LYPLAL1: variants seen among roughly 807,000 people sequenced by gnomAD.
LYPLAL1 encodes the protein lysophospholipase like 1.
A neutral mutation model predicts 19.7 loss-of-function variants in LYPLAL1; 23 were observed. The observed-to-expected ratio is 1.17, with a 90% CI of 0.84 to 1.65. The LOEUF (loss-of-function observed/expected upper bound fraction) is 1.65, where lower values mean the gene tolerates loss of function less well. LYPLAL1 is among the 40% of genes most tolerant of loss of function. The pLI is 0.00. For synonymous variants in LYPLAL1, 119 were observed against 96.3 expected (o/e 1.24, Z -1.38); for missense variants, 355 against 279.4 (o/e 1.27, Z -1.93).
At chr1:219,403,930 T>G in the LYPLAL1 span, among the ~76,000 whole-genome samples, 13 of 152,252 alleles carry the variant, frequency 8.5e-5, no homozygotes, top group African/African-American at 2.6e-4. Context: ...GCTTCAAGAA[T>G]AGAAATTCAT....
At chr1:219,385,097 A>G in the LYPLAL1 span, among the ~76,000 whole-genome samples, 23 of 152,168 alleles carry the variant, frequency 1.5e-4, no homozygotes, top group Non-Finnish European at 3.1e-4. Context: ...GGCTGTAAAT[A>G]TGCCCTCCAG....
At chr1:219,381,859 G>A in the LYPLAL1 span, among the ~76,000 whole-genome samples, 151,466 of 152,334 alleles carry the variant, frequency 0.99, 75,314 homozygotes, top group Middle Eastern at 1. Context: ...AGTTCATCAG[G>A]GAAAAGACAA....
At chr1:219,419,714 C>G in the LYPLAL1 span, among the ~76,000 whole-genome samples, 1 of 152,110 alleles carries the variant, frequency 6.6e-6, no homozygotes. Flanking sequence ...GGTGTTCTCT[C>G]CTGTTATGTC....
At chr1:219,238,446 C>T in the LYPLAL1 span, among the ~76,000 whole-genome samples, 3 of 151,384 alleles carry the variant, frequency 2.0e-5, no homozygotes, top group Non-Finnish European at 4.4e-5. Flanking sequence ...CCACTGCGCC[C>T]GGCCTAAACT....
At chr1:219,363,727 G>A in the LYPLAL1 span, among the ~76,000 whole-genome samples, 2 of 152,128 alleles carry the variant, frequency 1.3e-5, no homozygotes, top group Admixed American at 6.6e-5. Flanking sequence ...CATAATTCTA[G>A]CCACACTGAC....
At chr1:219,440,962 A>G in the LYPLAL1 span, among the ~76,000 whole-genome samples, 1 of 152,182 alleles carries the variant, frequency 6.6e-6, no homozygotes, top group South Asian at 2.1e-4. Flanking sequence ...TGACTTGCCA[A>G]ATGAATCCAA....
the LYPLAL1 span, among the ~76,000 whole-genome samples, chr1:219,405,830 T>C: frequency 1.7e-4 from 26 of 152,306 alleles, no homozygotes; most frequent in African/African-American, 6.0e-4. Flanking sequence ...CCTGCCCTGA[T>C]TGCTTCCTCA....
chr1:219,212,974 G>C (rs1659153724), downstream of LYPLAL1: 1 of 152,010 alleles, frequency 6.6e-6, no homozygotes, highest in Non-Finnish European at 1.5e-5. Flanking sequence ...CCAACTCTTT[G>C]AGAAAATAGT....
the LYPLAL1 span, among the ~76,000 whole-genome samples, chr1:219,241,647 C>T: frequency 4.6e-5 from 7 of 152,138 alleles, no homozygotes; most frequent in African/African-American, 1.7e-4. Flanking sequence ...ATGGAAGAGA[C>T]CACTACTCAC....
At chr1:219,439,163 G>C in the LYPLAL1 span, among the ~76,000 whole-genome samples, 1 of 152,042 alleles carries the variant, frequency 6.6e-6, no homozygotes, top group Non-Finnish European at 1.5e-5. Flanking sequence ...TCATACTCCT[G>C]TAAGACTCAG....
chr1:219,185,367 A>G (rs930871501), intron 2 of LYPLAL1, among the ~76,000 whole-genome samples: 3 of 149,100 alleles, frequency 2.0e-5, no homozygotes, highest in African/African-American at 7.4e-5. Context: ...TTTCTCTCTT[A>G]TTTGCTTTCT....
the LYPLAL1 span, among the ~76,000 whole-genome samples, chr1:219,443,675 C>CA: frequency 0.4 from 58,513 of 145,890 alleles, 11,583 homozygotes; most frequent in Non-Finnish European, 0.44. Flanking sequence ...ATTTTGGTCA[C>CA]AAAAAAAAAA....
At chr1:219,317,699 T>C in the LYPLAL1 span, among the ~76,000 whole-genome samples, 2 of 152,252 alleles carry the variant, frequency 1.3e-5, no homozygotes, top group Admixed American at 1.3e-4. Flanking sequence ...AAAAAACAGA[T>C]GAGGAATTTC....
At chr1:219,276,544 C>G in the LYPLAL1 span, among the ~76,000 whole-genome samples, 1 of 152,184 alleles carries the variant, frequency 6.6e-6, no homozygotes, top group African/African-American at 2.4e-5. Context: ...AATGGAAACT[C>G]TGAGAAGTCA....
chr1:219,219,792 T>C, the LYPLAL1 span, among the ~76,000 whole-genome samples: 151,058 of 152,272 alleles, frequency 0.99, 74,943 homozygotes, highest in Middle Eastern at 1. Flanking sequence ...CTGGGGCTCT[T>C]TTTTGCTATT....
the LYPLAL1 span, among the ~76,000 whole-genome samples, chr1:219,434,590 C>T: frequency 1.3e-5 from 2 of 152,182 alleles, no homozygotes; most frequent in Non-Finnish European, 2.9e-5. Context: ...AGCTTCCTGG[C>T]CCAAGACTTA....
chr1:219,309,735 G>C, the LYPLAL1 span, among the ~76,000 whole-genome samples: 1 of 152,164 alleles, frequency 6.6e-6, no homozygotes, highest in African/African-American at 2.4e-5. Context: ...CCAGCCATGT[G>C]GAACTGTAAG....
the LYPLAL1 span, chr1:219,273,380 A>G: frequency 6.6e-6 from 1 of 152,230 alleles, no homozygotes; most frequent in Non-Finnish European, 1.5e-5. Flanking sequence ...CTTCATTCAT[A>G]ATCAGAACCC....
In LYPLAL1 at chr1:219,210,747, TG is replaced by T. The variant is rs1386591317; in HGVS notation, c.477+101del. On this transcript the variant is annotated intron_variant, in intron 4 of 4. Transcript: ENST00000366928. ...TAAAGCTGTAAAACACACACACAGTTGATGCACAGTTGATATGGATTGACCA... is the reference window on the plus strand; with the variant it reads ...TAAAGCTGTAAAACACACACACAGTTATGCACAGTTGATATGGATTGACCA... The T allele has an allele frequency of 3.7e-6, 4 of 1,070,012 alleles. No homozygotes were observed. The African/African-American group carries it at 4.8e-5, about 13-fold the overall frequency. The allele number at this position is 1,070,012 out of a possible 1,614,324, so 66.3% of individuals were successfully genotyped here. A position where few individuals can be genotyped will look rare whatever the true frequency, so the allele number is the denominator to read the frequency against.
Sources: gnomAD v4.1 joint callset for allele counts (sites outside exome capture counted in the v4.1 genomes callset) on GRCh38, gnomAD v4.1.1 for gene constraint, MANE v1.5 for transcripts, NCBI Gene and HGNC (gene_info 2026-07-23, HGNC 2026-07-21) for gene names.